The following ZFP91 variants were observed in gnomAD, a reference collection of about 807,000 sequenced individuals.
ZFP91 encodes the protein ZFP91 zinc finger protein, atypical E3 ubiquitin ligase.
A neutral mutation model predicts 63.5 loss-of-function variants in ZFP91; 7 were observed. The ratio of observed to expected loss-of-function variants is 0.11; its 90% confidence interval spans 0.06 to 0.21. The LOEUF is 0.21. Among genes scored for constraint, ZFP91 ranks in the 10% least tolerant of loss-of-function variants. ZFP91 has a pLI of 1.00. For missense variants in ZFP91, 628 were observed against 736.6 expected (o/e 0.85, Z 1.71); for synonymous variants, 330 against 272.1 (o/e 1.21, Z -2.10).
chr11:58,584,808 G>A, intron 1 of ZFP91, 48 bp from the exon 2 acceptor site: 1 of 1,485,326 alleles, frequency 6.7e-7, no homozygotes, highest in Non-Finnish European at 9.0e-7. Context: ...TATATTTTCA[G>A]AAAATGTGCT....
chr11:58,595,803 C>G (rs1003272343), intron 2 of ZFP91, among the ~76,000 whole-genome samples: 1 of 152,114 alleles, frequency 6.6e-6, no homozygotes, highest in Non-Finnish European at 1.5e-5. Flanking sequence ...TCTGGAACTC[C>G]TGACCTCAAG....
rs1467958181 is a variant in ZFP91, at chr11:58,579,302, G to A, written c.21G>A (p.Glu7=). 1 of 1,481,768 alleles carries A rather than the reference G, an allele frequency of 6.7e-7. No homozygotes were observed. Among genetic ancestry groups the A allele is most frequent in the Non-Finnish European group, 8.9e-7 (1 of 1,121,444 alleles). The allele number at this position is 1,481,768 out of a possible 1,614,324, so 91.8% of individuals were successfully genotyped here. A position where few individuals can be genotyped will look rare whatever the true frequency, so the allele number is the denominator to read the frequency against. The part of the protein sequence containing the change: MPGETE[E]PRPPEQQDQE... ...CCCCGATGCCGGGGGAGACGGAAGA[G>A]CCGAGACCCCCGGAGCAGCAGGACC... The change falls in exon 1 of 11, where the codon GAG becomes GAA. Residue 7 remains glutamate, a synonymous_variant. Transcript: ENST00000316059.
Position 58,618,563 on chromosome 11 carries a change from A to G in ZFP91, c.*857A>G, listed in dbSNP as rs753920244. On this transcript the variant is annotated 3_prime_UTR_variant, in exon 11 of 11. Coordinates refer to ENST00000316059, the MANE Select transcript of ZFP91 (RefSeq NM_053023.5). ...TGGAACCTGAGATTCCTTATTTATT[A>G]ACAGGAAGTCTGATTTTTTTTTTTT... 5.6e-5 allele frequency: 23 copies of G among 408,772 alleles called. No individual in the cohort carries two copies. Among genetic ancestry groups the G allele is most frequent in the Non-Finnish European group, 1.0e-4 (21 of 209,824 alleles). 25.3% of individuals were successfully genotyped at this position (408,772 alleles called of 1,614,324 possible). A position where few individuals can be genotyped will look rare whatever the true frequency, so the allele number is the denominator to read the frequency against.
chr11:58,601,685 C>T (rs767414849), intron 2 of ZFP91, among the ~76,000 whole-genome samples: 20 of 151,584 alleles, frequency 1.3e-4, no homozygotes, highest in Non-Finnish European at 2.5e-4. Context: ...CACTGCATCC[C>T]CTAGGTTTTG....
chr11:58,584,821 A>T, intron 1 of ZFP91, 35 bp from the exon 2 acceptor site: 7 of 1,519,556 alleles, frequency 4.6e-6, no homozygotes, highest in Non-Finnish European at 6.2e-6. Context: ...AATGTGCTAG[A>T]TTGTTCATTA....
At chr11:58,616,137 T>A (rs1855745023) in intron 9 of ZFP91, among the ~76,000 whole-genome samples, 1 of 152,162 alleles carries the variant, frequency 6.6e-6, no homozygotes, top group South Asian at 2.1e-4. Flanking sequence ...TAAGGTAAAG[T>A]AGTACAGGTG....
At chr11:58,593,290 G>T (rs547237097) in intron 2 of ZFP91, among the ~76,000 whole-genome samples, 1 of 152,324 alleles carries the variant, frequency 6.6e-6, no homozygotes, top group South Asian at 2.1e-4. Flanking sequence ...TGCTCAGAGA[G>T]CACCAGCAGG....
chr11:58,607,276 C>T (rs2134414997), intron 2 of ZFP91, among the ~76,000 whole-genome samples: 1 of 152,218 alleles, frequency 6.6e-6, no homozygotes, highest in East Asian at 1.9e-4. Context: ...TAAAAGTAGT[C>T]ATGACCTATA....
chr11:58,619,034 T>G lies in ZFP91; in HGVS notation c.*1328T>G. The G allele has an allele frequency of 5.0e-6, 1 of 198,526 alleles. No individual in the cohort carries two copies. The highest frequency in any genetic ancestry group is 8.1e-5 in the South Asian group (1 of 12,332). The allele number at this position is 198,526 out of a possible 1,614,324, so 12.3% of individuals were successfully genotyped here. On this transcript the variant is annotated 3_prime_UTR_variant, in exon 11 of 11. Transcript: ENST00000316059. ...CCTTGCTTTTTGTTTCTTGCTTTGC[T>G]TTATCAGTTCATTCCAGCTCCCTGT...
At chr11:58,591,691 A>G (rs1448531614) in intron 2 of ZFP91, among the ~76,000 whole-genome samples, 1 of 152,206 alleles carries the variant, frequency 6.6e-6, no homozygotes, top group African/African-American at 2.4e-5. Context: ...GGACTCAGAC[A>G]TACAATTTGT....
chr11:58,611,939 A>C (rs996065067), intron 6 of ZFP91: 1 of 597,118 alleles, frequency 1.7e-6, no homozygotes, highest in Non-Finnish European at 2.8e-6. Context: ...TTTCAGTTCT[A>C]TTGCAAGGAG....
rs1855806534 is a variant in ZFP91 at position 58,619,276 on chromosome 11, T to G, written c.*1570T>G. 6.6e-6 allele frequency: 1 copy of G among 152,318 alleles called. No homozygotes were observed. Among genetic ancestry groups the G allele is most frequent in the Non-Finnish European group, 1.5e-5 (1 of 68,142 alleles). The allele number at this position is 152,318 out of a possible 1,614,324, so 9.4% of individuals were successfully genotyped here. A position where few individuals can be genotyped will look rare whatever the true frequency, so the allele number is the denominator to read the frequency against. On this transcript the variant is annotated 3_prime_UTR_variant, in exon 11 of 11. Coordinates refer to ENST00000316059, the MANE Select transcript of ZFP91 (RefSeq NM_053023.5). ...GATAGAGGTTGTGTTGGGGAATAGA[T>G]TGCTTATTGCTGTTCACTGGAGAGA...
rs559434256 is a variant in ZFP91, at chr11:58,581,377, G to C, written c.341+1755G>C. Among the ~76,000 whole-genome samples the C allele has an allele frequency of 2.0e-4, 31 of 151,784 alleles. 1 individual carries two copies. The highest frequency in any genetic ancestry group is 4.0e-4 in the Non-Finnish European group (27 of 67,924). ...ACCTGCTGTTTAATTTCTTTTTTTGGAGATGGAGTTTTTGCTCTGTTGCCC... is the reference window on the plus strand; with the variant it reads ...ACCTGCTGTTTAATTTCTTTTTTTGCAGATGGAGTTTTTGCTCTGTTGCCC... On this transcript the variant is annotated intron_variant, in intron 1 of 10. Coordinates refer to ENST00000316059, the MANE Select transcript of ZFP91 (RefSeq NM_053023.5).
intron 2 of ZFP91, among the ~76,000 whole-genome samples, chr11:58,588,972 C>A (rs771546808): frequency 6.6e-6 from 1 of 152,078 alleles, no homozygotes; most frequent in Non-Finnish European, 1.5e-5. Context: ...AAAATAAAAT[C>A]TTTTAGGTTT....
intron 1 of ZFP91, among the ~76,000 whole-genome samples, chr11:58,581,224 C>G (rs1056870084): frequency 1.4e-5 from 2 of 144,886 alleles, no homozygotes; most frequent in African/African-American, 4.9e-5. Context: ...TTTTTTCACT[C>G]TTTAATATTA....
In ZFP91 at chr11:58,611,878, A is replaced by G. The variant is rs993401030; in HGVS notation, c.857+140A>G. ...TTTAACTTAAAAAAATTTGGCCTCA[A>G]GCAGCTGACAATTTCACTGGAGAGA... On this transcript the variant is annotated intron_variant, in intron 6 of 10. Transcript: ENST00000316059. 5 of 985,068 alleles carry G rather than the reference A, an allele frequency of 5.1e-6. No homozygotes were observed. The African/African-American group carries it at 6.8e-5, about 13-fold the overall frequency. The allele number at this position is 985,068 out of a possible 1,614,324, so 61.0% of individuals were successfully genotyped here. A position where few individuals can be genotyped will look rare whatever the true frequency, so the allele number is the denominator to read the frequency against.
At chr11:58,595,820 A>T (rs9666102) in intron 2 of ZFP91, among the ~76,000 whole-genome samples, 2 of 151,926 alleles carry the variant, frequency 1.3e-5, no homozygotes, top group African/African-American at 4.8e-5. Flanking sequence ...CAAGTGACCT[A>T]CCCATCTCCA....
intron 5 of ZFP91, chr11:58,611,265 A>G (rs765572050): frequency 7.3e-5 from 36 of 492,038 alleles, no homozygotes; most frequent in African/African-American, 6.3e-4. Flanking sequence ...TTGATTATAT[A>G]CAAGTTTTTA....
At position 58,617,193 on chromosome 11, in the gene ZFP91, T is replaced by C. The variant is rs1167572733; in HGVS notation, c.1203-3T>C. 1.3e-6 allele frequency: 2 copies of C among 1,577,406 alleles called. No homozygotes were observed. Among genetic ancestry groups the C allele is most frequent in the African/African-American group, 2.7e-5 (2 of 73,438 alleles). On this transcript the variant is annotated splice_polypyrimidine_tract_variant and splice_region_variant and intron_variant, in intron 10 of 10. Transcript: ENST00000316059. This position sits in a 1 kb window ranked among gnomAD's most constrained non-coding sequence, Gnocchi z 4.2. Reference sequence around the variant, plus strand: ...CAGCCATTTCCTTTTCTCCTCTCCTTAGATGTGAGATCTGTGGATTTACTT... The same window carrying C: ...CAGCCATTTCCTTTTCTCCTCTCCTCAGATGTGAGATCTGTGGATTTACTT...
Sources: gnomAD v4.1 joint callset for allele counts (sites outside exome capture counted in the v4.1 genomes callset) on GRCh38, gnomAD v4.1.1 for gene constraint, Gnocchi (gnomAD v3.1) non-coding constraint, MANE v1.5 for transcripts, NCBI Gene and HGNC (gene_info 2026-07-23, HGNC 2026-07-21) for gene names.